The following PDE4C variants were observed in gnomAD, a reference collection of about 807,000 sequenced individuals.
The protein encoded by PDE4C is phosphodiesterase 4C.
In PDE4C, 50 loss-of-function variants were observed where a neutral mutation model predicts 63.9. That is an observed-to-expected ratio of 0.78 (90% CI 0.62 to 0.99). PDE4C has a LOEUF of 0.99. Among genes scored for constraint, PDE4C ranks in the 50% least tolerant of loss-of-function variants. The pLI is 0.00. For synonymous variants in PDE4C, 377 were observed against 385.1 expected, an observed-to-expected ratio of 0.98 and a Z score of 0.25; for missense variants, 777 against 899.1, an observed-to-expected ratio of 0.86 and a Z score of 1.74.
At chr19:18,234,909 A>G (rs990514535), upstream of PDE4C, among the ~76,000 whole-genome samples, 2 of 151,916 alleles carry the variant, frequency 1.3e-5, no homozygotes, top group Non-Finnish European at 2.9e-5. Context: ...CCACCCCCCC[A>G]CCACTCCCAA....
chr19:18,210,789 T>A, exon 15 of PDE4C: 9 of 1,413,970 alleles, frequency 6.4e-6, no homozygotes, highest in Non-Finnish European at 8.3e-6. Flanking sequence ...GAGCCACCTA[T>A]AACTAAGAGC....
chr19:18,242,451 G>A (rs1263505636), intron 1 of PDE4C, among the ~76,000 whole-genome samples: 4 of 137,496 alleles, frequency 2.9e-5, no homozygotes, highest in Non-Finnish European at 6.2e-5. Context: ...ACTCTGGCCT[G>A]GGCAACAAAG....
chr19:18,211,953 G>A lies in PDE4C; in HGVS notation c.1513-12C>T, dbSNP rs764944485. 4.4e-6 allele frequency: 7 copies of A among 1,609,042 alleles called. No homozygotes were observed. The highest frequency in any genetic ancestry group is 2.7e-5 in the African/African-American group (2 of 74,806). On this transcript the variant is annotated splice_polypyrimidine_tract_variant and intron_variant, in intron 13 of 14. Transcript: ENST00000262805. Reference sequence around the variant, plus strand: ...AGGTTCTGCAAGACCTACAGAGATCGAGGCTTGGGAGGGCACTGGCGGGGC... The same window carrying A: ...AGGTTCTGCAAGACCTACAGAGATCAAGGCTTGGGAGGGCACTGGCGGGGC...
chr19:18,225,260 GC>G (rs1968678325), intron 1 of PDE4C, among the ~76,000 whole-genome samples: 1 of 152,274 alleles, frequency 6.6e-6, no homozygotes, highest in South Asian at 2.1e-4. Flanking sequence ...TCTGGCCTGC[GC>G]GGGGCCGGCC....
At chr19:18,216,861 C>T (rs765971596) in exon 12 of PDE4C, 2 of 1,614,010 alleles carry the variant, frequency 1.2e-6, no homozygotes. Flanking sequence ...TCTCCAGCAC[C>T]GAGGCGTCGT....
intron 4 of PDE4C, 79 bp downstream of exon 4, chr19:18,221,026 C>G: frequency 6.6e-7 from 1 of 1,515,888 alleles, no homozygotes; most frequent in Non-Finnish European, 8.9e-7. Context: ...GCCGGAGCCC[C>G]AGCCTCAATT....
chr19:18,230,970 G>C (rs1231987801), upstream of PDE4C, among the ~76,000 whole-genome samples: 2 of 152,196 alleles, frequency 1.3e-5, no homozygotes, highest in African/African-American at 4.8e-5. Flanking sequence ...TGGGGCTGTG[G>C]GGAAGCACAT....
exon 1 of PDE4C, chr19:18,233,188 C>T: frequency 6.4e-7 from 1 of 1,558,688 alleles, no homozygotes; most frequent in South Asian, 1.2e-5. Flanking sequence ...CCCAGGTTCT[C>T]CATGCGCCAG....
Position 18,222,700 on chromosome 19 carries a change from CTT to C in PDE4C, c.147-379_147-378del, listed in dbSNP as rs1199712120. ...CTCTCTCTCTCTCGCCCTTTCTTTTCTTTTTTTTTTTTTTTTTTTGACAGGGC... is the reference window on the plus strand; with the variant it reads ...CTCTCTCTCTCTCGCCCTTTCTTTTCTTTTTTTTTTTTTTTTTGACAGGGC... On this transcript the variant is annotated intron_variant, in intron 1 of 14. Transcript: ENST00000262805. 1.5e-4 allele frequency among the ~76,000 whole-genome samples: 8 copies of C among 53,364 alleles called. No individual in the cohort carries two copies. The South Asian group carries it at 2.5e-3, about 17-fold the overall frequency. 35.0% of individuals were successfully genotyped at this position (53,364 alleles called of 152,430 possible). A position where few individuals can be genotyped will look rare whatever the true frequency, so the allele number is the denominator to read the frequency against.
At chr19:18,213,519 C>A in intron 12 of PDE4C, 29 bp from the exon 13 acceptor site, 1 of 1,600,560 alleles carries the variant, frequency 6.2e-7, no homozygotes, top group Non-Finnish European at 8.5e-7. Context: ...AGGTGACAGG[C>A]GCGAGGACCC....
At chr19:18,254,000 C>A in the PDE4C span, among the ~76,000 whole-genome samples, 1 of 152,364 alleles carries the variant, frequency 6.6e-6, no homozygotes, top group Non-Finnish European at 1.5e-5. Flanking sequence ...GGAAATAACA[C>A]ACAACACTGG....
chr19:18,211,301 G>A (rs1021463740), intron 14 of PDE4C, 25 bp from the exon 15 acceptor site: 31 of 1,536,510 alleles, frequency 2.0e-5, no homozygotes, highest in Non-Finnish European at 2.4e-5. Context: ...GGGGCATGTC[G>A]GCATTTGGTG....
At chr19:18,231,840 T>A (rs1484847368) in intron 1 of PDE4C, among the ~76,000 whole-genome samples, 1 of 151,850 alleles carries the variant, frequency 6.6e-6, no homozygotes, top group Non-Finnish European at 1.5e-5. Context: ...TTTCTATGAG[T>A]CTCTTCTGTC....
At chr19:18,221,058 C>G in intron 4 of PDE4C, 47 bp downstream of exon 4, 1 of 1,221,610 alleles carries the variant, frequency 8.2e-7, no homozygotes, top group Non-Finnish European at 1.2e-6. Flanking sequence ...TTCCGCCCAC[C>G]TTGTCTCTGC....
upstream of PDE4C, chr19:18,250,150 CA>C: frequency 2.5e-6 from 1 of 398,720 alleles, no homozygotes. Flanking sequence ...AGGTGGTGGG[CA>C]AAGGACAATC....
intron 1 of PDE4C, 77 bp downstream of exon 1, chr19:18,226,193 C>T: frequency 1.6e-6 from 2 of 1,255,760 alleles, no homozygotes; most frequent in South Asian, 1.3e-5. Context: ...TGTCCCTGGC[C>T]TTGTCCCTGT....
chr19:18,226,407 G>A lies in PDE4C; in HGVS notation c.9C>T (p.Gly3=), dbSNP rs764012571. The stretch of plus-strand genomic sequence containing the variant: ...CGGGGACCGGGGCGGGCGCGGGGGG[G>A]CCCTGCATCGCCAGGACTGCGTGGA... Residue 3 remains glycine, a synonymous_variant, in exon 1 of 15, where the codon GGC becomes GGT. Transcript: ENST00000262805. 71 of 1,436,778 alleles carry A rather than the reference G, an allele frequency of 4.9e-5. No individual in the cohort carries two copies. The African/African-American group carries it at 7.5e-4, about 15-fold the overall frequency. The allele number at this position is 1,436,778 out of a possible 1,614,324, so 89.0% of individuals were successfully genotyped here.
At chr19:18,232,810 G>A in intron 1 of PDE4C, 2 of 1,037,724 alleles carry the variant, frequency 1.9e-6, no homozygotes, top group Non-Finnish European at 1.3e-6. Flanking sequence ...CGTAGAAATA[G>A]CTTTTTCCTT....
upstream of PDE4C, among the ~76,000 whole-genome samples, chr19:18,237,479 A>G (rs1224204029): frequency 6.6e-6 from 1 of 152,100 alleles, no homozygotes; most frequent in Non-Finnish European, 1.5e-5. Flanking sequence ...TGAACCTGGG[A>G]GGCGGAGGTT....
Sources: allele counts gnomAD v4.1 joint callset (sites outside exome capture counted in the v4.1 genomes callset), GRCh38; gene constraint gnomAD v4.1.1; transcripts MANE v1.5; gene names NCBI Gene and HGNC (gene_info 2026-07-23, HGNC 2026-07-21).